The following VIRMA variants were observed in gnomAD, a reference collection of about 807,000 sequenced individuals.
VIRMA encodes the protein protein virilizer homolog.
Under a neutral mutation model 182.4 loss-of-function variants are expected in VIRMA, and 65 were observed. The observed-to-expected ratio is 0.36, with a 90% CI of 0.29 to 0.44. The LOEUF is 0.44. Ranked by LOEUF, VIRMA falls within the 20% of genes least tolerant of loss-of-function variation. VIRMA has a pLI of 1.00. For missense variants in VIRMA, 1,752 were observed against 2,158.1 expected (o/e 0.81, Z 3.73); for synonymous variants, 709 against 743.1 (o/e 0.95, Z 0.75).
At chr8:94,525,679 T>A (rs1026363322) in intron 8 of VIRMA, among the ~76,000 whole-genome samples, 1 of 152,074 alleles carries the variant, frequency 6.6e-6, no homozygotes, top group African/African-American at 2.4e-5. Context: ...AAAGAAAGTC[T>A]CAAAACAAAA....
chr8:94,545,152 A>T (rs1418436009), intron 1 of VIRMA, among the ~76,000 whole-genome samples: 1 of 152,160 alleles, frequency 6.6e-6, no homozygotes, highest in Non-Finnish European at 1.5e-5. Flanking sequence ...AAAAACAAAC[A>T]AAAAAAGAAA....
chr8:94,493,462 C>T (rs1325656476), intron 20 of VIRMA, among the ~76,000 whole-genome samples: 1 of 152,172 alleles, frequency 6.6e-6, no homozygotes, highest in South Asian at 2.1e-4. Flanking sequence ...CCACTAACAA[C>T]ATGTGCCTAT....
chr8:94,513,840 T>G (rs1340014318), intron 11 of VIRMA, among the ~76,000 whole-genome samples: 1 of 152,118 alleles, frequency 6.6e-6, no homozygotes, highest in Non-Finnish European at 1.5e-5. Context: ...GTTCTAGATG[T>G]CATTTGAGGC....
chr8:94,543,143 G>A (rs143213856), intron 2 of VIRMA, among the ~76,000 whole-genome samples: 399 of 152,000 alleles, frequency 2.6e-3, no homozygotes, highest in Non-Finnish European at 4.8e-3. Flanking sequence ...CCTGACCTCA[G>A]GTGTTCCTCC....
rs139166338 is a variant in VIRMA, at chr8:94,526,479, C to T, written c.1765G>A (p.Asp589Asn). 3 of 1,613,792 alleles carry T rather than the reference C, an allele frequency of 1.9e-6. No homozygotes were observed. Among genetic ancestry groups the T allele is most frequent in the Admixed American group, 1.7e-5 (1 of 59,938 alleles). Residue 589 changes from aspartate (D) to asparagine (N), a missense_variant, in exon 8 of 24, where the codon GAC (aspartate) becomes AAC (asparagine). By Grantham distance (23) the Asp-to-Asn change is conservative. Coordinates refer to ENST00000297591, the MANE Select transcript of VIRMA (RefSeq NM_015496.5). ...SLPNHSEPDHDTDAGLERTNP... is the reference protein window; with the variant it reads ...SLPNHSEPDHNTDAGLERTNP... ...GTTCTCTCAAGTCCAGCATCTGTGT[C>T]GTGATCAGGTTCACTGTGGTTAGGA...
Position 94,511,597 on chromosome 8 carries a change from A to G in VIRMA, c.2978T>C (p.Met993Thr). The G allele has an allele frequency of 6.2e-7, 1 of 1,614,150 alleles. No homozygotes were observed. The change falls in exon 13 of 24, where the codon ATG becomes ACG. Residue 993 changes from methionine (M) to threonine (T), a missense_variant. Transcript: ENST00000297591. ...AGTAACTCTGTGAAGGGTAGTCCCC[A>G]TGTTGACATGGAGCCTCCAAGGCTG... ...LTQPWRLHVNMGTTLHRVTTI... is the reference protein window; with the variant it reads ...LTQPWRLHVNTGTTLHRVTTI...
intron 1 of VIRMA, among the ~76,000 whole-genome samples, chr8:94,549,833 C>G (rs1023406958): frequency 1.3e-5 from 2 of 152,252 alleles, no homozygotes; most frequent in African/African-American, 2.4e-5. Flanking sequence ...CAGTGGCTCA[C>G]GCCTGTAATC....
intron 1 of VIRMA, chr8:94,546,761 C>A (rs576012121): frequency 1.1e-5 from 4 of 371,628 alleles, no homozygotes; most frequent in Non-Finnish European, 2.1e-5. Flanking sequence ...ATCATTCTTA[C>A]GCCTTTGCAT....
At position 94,543,918 on chromosome 8, in the gene VIRMA, G is replaced by GAAC. The variant is rs774446182; in HGVS notation, c.85_87dup (p.Val29dup). 1 of 1,604,632 alleles carries GAAC rather than the reference G, an allele frequency of 6.2e-7. No individual in the cohort carries two copies. ...TTGATATAAACCACACATGGAAAAC[G>GAAC]AACCACATCTATATGAGAACTTTGC... On this transcript the variant is annotated inframe_insertion, in exon 2 of 24. Coordinates refer to ENST00000297591, the MANE Select transcript of VIRMA (RefSeq NM_015496.5).
intron 16 of VIRMA, among the ~76,000 whole-genome samples, chr8:94,501,820 G>A (rs1813996228): frequency 6.6e-6 from 1 of 152,208 alleles, no homozygotes; most frequent in Non-Finnish European, 1.5e-5. Context: ...AGCCAGGCAT[G>A]GTGGCTTGTG....
chr8:94,507,841 C>T (rs1347112186), intron 15 of VIRMA, among the ~76,000 whole-genome samples: 2 of 150,588 alleles, frequency 1.3e-5, no homozygotes, highest in Admixed American at 6.7e-5. Context: ...CATTTAAACA[C>T]AGTCTTTCAA....
At chr8:94,501,678 C>A (rs1470877984) in intron 16 of VIRMA, among the ~76,000 whole-genome samples, 1 of 152,158 alleles carries the variant, frequency 6.6e-6, no homozygotes, top group East Asian at 1.9e-4. Flanking sequence ...TTAGTATGGG[C>A]CAGGTGTGGT....
intron 11 of VIRMA, chr8:94,512,374 ATAAAGAAATGTATGAAACTCCCTGTAT>A (rs1814409783): frequency 5.9e-6 from 1 of 168,890 alleles, no homozygotes; most frequent in Non-Finnish European, 1.3e-5. Flanking sequence ...CAAAGATAAC[ATAAAGAAATGTATGAAACTCCCTGTAT>A]TAAGAGTTTA....
intron 6 of VIRMA, among the ~76,000 whole-genome samples, chr8:94,529,682 C>G (rs1457008027): frequency 2.6e-5 from 4 of 151,912 alleles, no homozygotes; most frequent in Non-Finnish European, 5.9e-5. Context: ...CTCTGTCGGC[C>G]AGGCTGGAGT....
chr8:94,500,789 A>C (rs117114751), intron 16 of VIRMA, among the ~76,000 whole-genome samples: 1,841 of 152,136 alleles, frequency 0.012, 18 homozygotes, highest in Middle Eastern at 0.061. Flanking sequence ...ATTCACACAA[A>C]AACCTGTGTG....
Position 94,526,360 on chromosome 8 carries a change from A to C in VIRMA, c.1884T>G (p.Ile628Met). ...NISEGEIERL[I>M]NLLEEVFHLM... is the part of the protein sequence containing the mutation. ...AATGAAAAACTTCTTCTAGGAGGTT[A>C]ATAAGCCTTTCTATTTCCCCTTCAC... The change falls in exon 8 of 24, where the codon ATT (isoleucine) becomes ATG (methionine). Residue 628 changes from isoleucine to methionine, a missense_variant. Ile to Met is a conservative substitution (Grantham distance 10, BLOSUM62 1). Around this residue, in one of 11 missense-constraint regions of VIRMA, gnomAD observed 401 missense variants for 455.1 expected, o/e 0.88. Transcript: ENST00000297591. 2 of 1,614,146 alleles carry C rather than the reference A, an allele frequency of 1.2e-6. No homozygotes were observed. The highest frequency in any genetic ancestry group is 1.7e-6 in the Non-Finnish European group (2 of 1,179,984).
In VIRMA at chr8:94,529,187, C is replaced by T; in HGVS notation, c.763G>A (p.Val255Met). The change falls in exon 7 of 24, where the codon GTG becomes ATG. Residue 255 changes from valine to methionine, a missense_variant. Physicochemically the swap from Val to Met is conservative, Grantham distance 21. Transcript: ENST00000297591. The stretch of plus-strand genomic sequence containing the variant: ...TCATCCTCTTCTTCCTCTACATCCA[C>T]ATCATCTTCATCTTCTTCTCCTTCT... ...QEEGEEDEDD[V>M]DVEEEEDEDE... is the part of the protein sequence containing the mutation. The T allele has an allele frequency of 1.4e-6, 2 of 1,439,550 alleles. No individual in the cohort carries two copies. The highest frequency in any genetic ancestry group is 2.3e-5 in the East Asian group (1 of 43,956). The allele number at this position is 1,439,550 out of a possible 1,614,324, so 89.2% of individuals were successfully genotyped here. A position where few individuals can be genotyped will look rare whatever the true frequency, so the allele number is the denominator to read the frequency against.
intron 6 of VIRMA, among the ~76,000 whole-genome samples, 194 bp downstream of exon 6, chr8:94,530,769 A>G (rs1815144748): frequency 6.6e-6 from 1 of 152,120 alleles, no homozygotes; most frequent in Non-Finnish European, 1.5e-5. Context: ...AAAATTAGCA[A>G]GGCATGGTGA....
In VIRMA at chr8:94,511,446, G is replaced by C; in HGVS notation, c.3129C>G (p.Leu1043=). 1.2e-6 allele frequency: 2 copies of C among 1,614,092 alleles called. No homozygotes were observed. The highest frequency in any genetic ancestry group is 1.7e-4 in the Middle Eastern group (1 of 6,060). The part of the protein sequence containing the change: ...VPSALVTLHM[L]LCSIPLSGRL... ...GACCTGAGAGGGGGATAGAGCACAG[G>C]AGCATATGTAAAGTAACAAGCGCTG... Residue 1043 remains leucine, a synonymous_variant, in exon 13 of 24, where the codon CTC becomes CTG. Transcript: ENST00000297591.
Sources: allele counts gnomAD v4.1 joint callset (sites outside exome capture counted in the v4.1 genomes callset), GRCh38; gene constraint gnomAD v4.1.1; regional missense constraint gnomAD v4.1.1; transcripts MANE v1.5; gene names NCBI Gene and HGNC (gene_info 2026-07-23, HGNC 2026-07-21).